The following UTRN variants were observed in gnomAD, a reference collection of about 807,000 sequenced individuals.
The protein encoded by UTRN is dystrophin-related protein 1.
Under a neutral mutation model 463.9 loss-of-function variants are expected in UTRN, and 283 were observed. The ratio of observed to expected loss-of-function variants is 0.61; its 90% CI spans 0.55 to 0.67. The LOEUF (loss-of-function observed/expected upper bound fraction) is 0.67. Among genes scored for constraint, UTRN ranks in the 30% least tolerant of loss-of-function variants. The pLI is 0.00. For synonymous variants in UTRN, 1,442 were observed against 1,431.5 expected (o/e 1.01, Z -0.17); for missense variants, 3,922 against 4,084.3 (o/e 0.96, Z 1.08).
At chr6:144,620,829 G>A (rs1775286338) in intron 51 of UTRN, among the ~76,000 whole-genome samples, 1 of 152,122 alleles carries the variant, frequency 6.6e-6, no homozygotes, top group African/African-American at 2.4e-5. Context: ...AAACACTGAG[G>A]GAGAAGAAGG....
intron 34 of UTRN, among the ~76,000 whole-genome samples, chr6:144,509,067 CT>C: frequency 6.6e-6 from 1 of 152,108 alleles, no homozygotes; most frequent in Middle Eastern, 3.4e-3. Context: ...TTGTTAAATT[CT>C]TAAATTCTAT....
intron 2 of UTRN, among the ~76,000 whole-genome samples, chr6:144,357,872 A>C (rs1778707401): frequency 6.6e-6 from 1 of 152,266 alleles, no homozygotes; most frequent in African/African-American, 2.4e-5. Flanking sequence ...CAGGTTTTAC[A>C]TCTGGTAGAA....
At chr6:144,703,210 A>G (rs1784762012) in intron 53 of UTRN, among the ~76,000 whole-genome samples, 1 of 152,242 alleles carries the variant, frequency 6.6e-6, no homozygotes, top group African/African-American at 2.4e-5. Context: ...ATTTTTGGAC[A>G]AAGCAAATAG....
chr6:144,326,441 A>G (rs1468145864), intron 2 of UTRN, among the ~76,000 whole-genome samples: 1 of 151,968 alleles, frequency 6.6e-6, no homozygotes, highest in Non-Finnish European at 1.5e-5. Context: ...AAATCATCAC[A>G]TTGTGTGTGT....
intron 2 of UTRN, among the ~76,000 whole-genome samples, chr6:144,400,238 A>G (rs776405836): frequency 1.4e-4 from 22 of 152,042 alleles, no homozygotes; most frequent in Non-Finnish European, 2.9e-4. Flanking sequence ...TTAATATTAT[A>G]CATATATATT....
chr6:144,569,771 G>A (rs938094021), intron 50 of UTRN, among the ~76,000 whole-genome samples: 10 of 152,190 alleles, frequency 6.6e-5, no homozygotes, highest in Non-Finnish European at 1.3e-4. Flanking sequence ...GATTTTCTGG[G>A]TGAGCCCCAT....
chr6:144,424,826 G>A (rs1785155573), intron 6 of UTRN, among the ~76,000 whole-genome samples: 1 of 151,994 alleles, frequency 6.6e-6, no homozygotes, highest in South Asian at 2.1e-4. Context: ...TAACGCCATG[G>A]CATTCTCCTA....
At chr6:144,731,574 G>C (rs967706426) in intron 54 of UTRN, among the ~76,000 whole-genome samples, 2 of 152,152 alleles carry the variant, frequency 1.3e-5, no homozygotes, top group Admixed American at 1.3e-4. Flanking sequence ...ACAGGTAGCC[G>C]TTTTCCTACT....
intron 2 of UTRN, among the ~76,000 whole-genome samples, chr6:144,318,710 T>A (rs1775438448): frequency 1.3e-5 from 2 of 152,168 alleles, no homozygotes; most frequent in Admixed American, 1.3e-4. Flanking sequence ...GTGATCTGCC[T>A]GTCTCGGGCT....
chr6:144,650,300 G>A (rs1320634092), intron 51 of UTRN, among the ~76,000 whole-genome samples: 1 of 152,158 alleles, frequency 6.6e-6, no homozygotes, highest in Non-Finnish European at 1.5e-5. Context: ...GTGGGACACA[G>A]CCAAACCATA....
intron 2 of UTRN, chr6:144,331,063 GTTCATTGAAAGGAAGCCGAGGCATGAC>G (rs1488507762): frequency 1.0e-6 from 1 of 979,742 alleles, no homozygotes; most frequent in Non-Finnish European, 1.2e-6. Flanking sequence ...TTGTCCACCT[GTTCATTGAAAGGAAGCCGAGGCATGAC>G]TCTCCGCCAA....
intron 2 of UTRN, among the ~76,000 whole-genome samples, chr6:144,382,623 C>T (rs1584529458): frequency 6.6e-6 from 1 of 152,138 alleles, no homozygotes; most frequent in East Asian, 1.9e-4. Context: ...TTTTTACCCT[C>T]TTTGTATATA....
intron 2 of UTRN, among the ~76,000 whole-genome samples, chr6:144,306,829 G>A (rs1293138141): frequency 1.3e-5 from 2 of 151,716 alleles, no homozygotes; most frequent in African/African-American, 4.8e-5. Flanking sequence ...GCCGAGGCGG[G>A]CGGATCACCT....
chr6:144,627,564 T>G (rs1776074893), intron 51 of UTRN, among the ~76,000 whole-genome samples: 1 of 152,148 alleles, frequency 6.6e-6, no homozygotes, highest in Admixed American at 6.5e-5. Flanking sequence ...CTGGAATTTT[T>G]TTATTATCTC....
intron 46 of UTRN, 95 bp downstream of exon 46, chr6:144,542,965 A>G: frequency 9.9e-7 from 1 of 1,007,250 alleles, no homozygotes; most frequent in Non-Finnish European, 1.5e-6. Context: ...AGACTTAGAA[A>G]CGTCGTGCCA....
At chr6:144,648,105 T>A (rs1223026736) in intron 51 of UTRN, among the ~76,000 whole-genome samples, 1 of 152,242 alleles carries the variant, frequency 6.6e-6, no homozygotes, top group Admixed American at 6.5e-5. Flanking sequence ...TGGGTTAAAC[T>A]CTTGCCCAAG....
At chr6:144,576,824 T>G (rs932491368) in intron 50 of UTRN, among the ~76,000 whole-genome samples, 4 of 152,214 alleles carry the variant, frequency 2.6e-5, no homozygotes, top group Non-Finnish European at 5.9e-5. Context: ...CTTACAATTA[T>G]GAGCTGTAAA....
chr6:144,404,046 G>A (rs1584636320), intron 3 of UTRN, among the ~76,000 whole-genome samples: 2 of 152,258 alleles, frequency 1.3e-5, no homozygotes, highest in African/African-American at 4.8e-5. Context: ...GACAAACATT[G>A]GTATTTCTTG....
chr6:144,498,515 C>T (rs1244541493), intron 33 of UTRN, among the ~76,000 whole-genome samples: 1 of 152,042 alleles, frequency 6.6e-6, no homozygotes, highest in Non-Finnish European at 1.5e-5. Context: ...CTATTTTCCC[C>T]TCAAGTTACT....
Sources: allele counts gnomAD v4.1 joint callset (sites outside exome capture counted in the v4.1 genomes callset), GRCh38; gene constraint gnomAD v4.1.1; transcripts MANE v1.5; gene names NCBI Gene and HGNC (gene_info 2026-07-23, HGNC 2026-07-21).